Variants in DEUP1 observed in about 807,000 individuals in gnomAD.
DEUP1 encodes the protein deuterosome assembly protein 1.
DEUP1 carries 82 observed loss-of-function variants against 87.4 expected under a neutral mutation model. The ratio of observed to expected loss-of-function variants is 0.94; its 90% CI spans 0.78 to 1.13. DEUP1 has a LOEUF of 1.13. DEUP1 is among the 50% of genes most tolerant of loss of function. The pLI is 0.00. For missense variants in DEUP1, 663 were observed against 681.5 expected, an observed-to-expected ratio of 0.97 and a Z score of 0.30; for synonymous variants, 214 against 222.7, an observed-to-expected ratio of 0.96 and a Z score of 0.35.
intron 13 of DEUP1, among the ~76,000 whole-genome samples, chr11:93,418,047 C>G (rs1212625637): frequency 6.6e-6 from 1 of 152,088 alleles, no homozygotes; most frequent in Non-Finnish European, 1.5e-5. Flanking sequence ...GGATTAAAGA[C>G]TTAAACGGTA....
chr11:93,408,283 T>C lies in DEUP1; in HGVS notation c.1379T>C (p.Leu460Pro). The change falls in exon 12 of 14, where the codon CTG (leucine) becomes CCG (proline). Residue 460 changes from leucine to proline, a missense_variant. Transcript: ENST00000298050. ...EQSRHTSINK[L>P]QYENERLRND... ...TCAAGGCATACATCTATTAATAAACTGCAATATGAGAATGAAAGGCTCCGA... is the reference window on the plus strand; with the variant it reads ...TCAAGGCATACATCTATTAATAAACCGCAATATGAGAATGAAAGGCTCCGA... 1 of 1,585,638 alleles carries C rather than the reference T, an allele frequency of 6.3e-7. No individual in the cohort carries two copies.
At chr11:93,344,758 G>A (rs1051281450) in intron 2 of DEUP1, among the ~76,000 whole-genome samples, 7 of 151,990 alleles carry the variant, frequency 4.6e-5, no homozygotes, top group African/African-American at 1.7e-4. Flanking sequence ...TGATTTGGGA[G>A]CTGATAAAAC....
rs2305663 is a variant in DEUP1, at chr11:93,408,522, C to G, written c.1523+95C>G. ...CAAATTATAACTTTATACGCTTTCT[C>G]TTCTGTGGTTTAAAATTTATAATGA... On this transcript the variant is annotated intron_variant, in intron 12 of 13. Coordinates refer to ENST00000298050, the MANE Select transcript of DEUP1 (RefSeq NM_181645.4). 2.3e-4 allele frequency: 185 copies of G among 797,760 alleles called. 3 individuals carry two copies. In the East Asian group the frequency reaches 5.2e-3, roughly 22 times the overall value. The allele number at this position is 797,760 out of a possible 1,614,324, so 49.4% of individuals were successfully genotyped here.
At chr11:93,392,159 A>T (rs1302833909) in intron 9 of DEUP1, among the ~76,000 whole-genome samples, 2 of 152,170 alleles carry the variant, frequency 1.3e-5, no homozygotes, top group Non-Finnish European at 2.9e-5. Flanking sequence ...CCATCCCCTA[A>T]AACACAGCTT....
At chr11:93,410,450 G>A (rs890110220) in intron 12 of DEUP1, among the ~76,000 whole-genome samples, 1 of 152,172 alleles carries the variant, frequency 6.6e-6, no homozygotes, top group Non-Finnish European at 1.5e-5. Context: ...GTTCTAATAT[G>A]GAATAAATAA....
chr11:93,427,502 G>T (rs1452425930), intron 13 of DEUP1, among the ~76,000 whole-genome samples: 2 of 151,936 alleles, frequency 1.3e-5, no homozygotes, highest in African/African-American at 4.8e-5. Context: ...TTAAATGTTA[G>T]ACCTAAAACC....
intron 11 of DEUP1, among the ~76,000 whole-genome samples, chr11:93,403,737 T>C (rs1023191431): frequency 1.2e-4 from 18 of 151,694 alleles, no homozygotes; most frequent in African/African-American, 4.1e-4. Flanking sequence ...CCTTTCTCAA[T>C]GAAGAAAATT....
chr11:93,391,482 G>A (rs1334429766), intron 9 of DEUP1, among the ~76,000 whole-genome samples: 4 of 152,074 alleles, frequency 2.6e-5, no homozygotes, highest in African/African-American at 7.2e-5. Flanking sequence ...GGCCAAGGTG[G>A]GCGGATCACG....
intron 2 of DEUP1, among the ~76,000 whole-genome samples, chr11:93,335,005 A>C (rs1396016927): frequency 1.3e-5 from 2 of 152,106 alleles, no homozygotes; most frequent in African/African-American, 4.8e-5. Context: ...AATGTGCTTC[A>C]GTTATTTTCA....
At chr11:93,348,571 T>C (rs113330763) in intron 2 of DEUP1, among the ~76,000 whole-genome samples, 7 of 152,384 alleles carry the variant, frequency 4.6e-5, no homozygotes, top group African/African-American at 1.7e-4. Context: ...TCTTGACTTC[T>C]GCCTTAATTT....
At chr11:93,436,691 C>T (rs892423374) in intron 13 of DEUP1, among the ~76,000 whole-genome samples, 5 of 152,126 alleles carry the variant, frequency 3.3e-5, no homozygotes, top group African/African-American at 9.6e-5. Context: ...TACAGATTGT[C>T]GACTCCCCAA....
chr11:93,384,630 T>C (rs1946450588), intron 7 of DEUP1, among the ~76,000 whole-genome samples: 1 of 152,250 alleles, frequency 6.6e-6, no homozygotes, highest in Non-Finnish European at 1.5e-5. Flanking sequence ...ATAGCTGCCA[T>C]TGGGCAAGGG....
rs968600247 is a variant in DEUP1, at chr11:93,370,965, A to G, written c.547-73A>G. On this transcript the variant is annotated intron_variant, in intron 6 of 13. Transcript: ENST00000298050. The stretch of plus-strand genomic sequence containing the variant: ...AAGATATTCCTACTAATTCTTTTCT[A>G]TCATTCTTGAACTTCATGTAAGCTT... 1.8e-5 allele frequency: 24 copies of G among 1,317,508 alleles called. No homozygotes were observed. The African/African-American group carries it at 2.2e-4, about 12-fold the overall frequency. 81.6% of individuals were successfully genotyped at this position (1,317,508 alleles called of 1,614,324 possible). A position where few individuals can be genotyped will look rare whatever the true frequency, so the allele number is the denominator to read the frequency against.
chr11:93,414,571 C>T (rs1334772803), intron 12 of DEUP1, among the ~76,000 whole-genome samples: 1 of 151,892 alleles, frequency 6.6e-6, no homozygotes, highest in African/African-American at 2.4e-5. Flanking sequence ...TAGTATAATT[C>T]TGTTAAGAAA....
At chr11:93,433,198 G>A (rs892914239) in intron 13 of DEUP1, among the ~76,000 whole-genome samples, 2 of 152,044 alleles carry the variant, frequency 1.3e-5, no homozygotes, top group Non-Finnish European at 2.9e-5. Context: ...AAAACACACT[G>A]GCCTAGAATC....
intron 5 of DEUP1, among the ~76,000 whole-genome samples, chr11:93,368,204 T>C (rs564014317): frequency 1.3e-5 from 2 of 152,258 alleles, no homozygotes; most frequent in Admixed American, 1.3e-4. Flanking sequence ...ACTGCCTAAA[T>C]GAGGCCTGGC....
At chr11:93,373,684 C>T (rs937001227) in intron 7 of DEUP1, among the ~76,000 whole-genome samples, 6 of 147,392 alleles carry the variant, frequency 4.1e-5, no homozygotes, top group Non-Finnish European at 1.5e-5. Context: ...TTTATCCACT[C>T]ATTGATTGAT....
intron 4 of DEUP1, among the ~76,000 whole-genome samples, chr11:93,361,913 C>A (rs912860467): frequency 6.6e-6 from 1 of 151,852 alleles, no homozygotes; most frequent in Admixed American, 6.6e-5. Context: ...GAGAAATATA[C>A]CATGCAAATA....
intron 2 of DEUP1, among the ~76,000 whole-genome samples, chr11:93,336,184 C>T (rs1048419256): frequency 6.6e-6 from 1 of 152,086 alleles, no homozygotes; most frequent in Non-Finnish European, 1.5e-5. Context: ...AGGAAACTTA[C>T]AATCATGGCA....
Sources: gnomAD v4.1 joint callset for allele counts (sites outside exome capture counted in the v4.1 genomes callset) on GRCh38, gnomAD v4.1.1 for gene constraint, MANE v1.5 for transcripts, NCBI Gene and HGNC (gene_info 2026-07-23, HGNC 2026-07-21) for gene names.